ADAMTS2: variants seen among roughly 807,000 people sequenced by gnomAD.
The protein encoded by ADAMTS2 is ADAM metallopeptidase with thrombospondin type 1 motif 2.
In ADAMTS2, 50 loss-of-function variants were observed where a neutral mutation model predicts 123.0. The ratio of observed to expected loss-of-function variants is 0.41; its 90% CI spans 0.32 to 0.51. The LOEUF (loss-of-function observed/expected upper bound fraction) is 0.51, where lower values mean the gene tolerates loss of function less well. Ranked by LOEUF, ADAMTS2 falls within the 20% of genes least tolerant of loss-of-function variation. ADAMTS2 has a pLI of 0.35. For synonymous variants in ADAMTS2, 678 were observed against 695.4 expected, an observed-to-expected ratio of 0.98 and a Z score of 0.39; for missense variants, 1,494 against 1,705.2, an observed-to-expected ratio of 0.88 and a Z score of 2.18.
chr5:179,221,943 C>T (rs1486134118), intron 3 of ADAMTS2, among the ~76,000 whole-genome samples: 2 of 152,174 alleles, frequency 1.3e-5, no homozygotes, highest in African/African-American at 2.4e-5. Context: ...CTGTCCTTCA[C>T]GCCTGGCTGT....
chr5:179,133,108 C>T (rs574849254), intron 13 of ADAMTS2, among the ~76,000 whole-genome samples: 63 of 152,096 alleles, frequency 4.1e-4, no homozygotes, highest in Middle Eastern at 3.4e-3. Context: ...ATCAGTTAAA[C>T]GGACCTTGCC....
In ADAMTS2 at chr5:179,128,052, T is replaced by C; in HGVS notation, c.2524A>G (p.Asn842Asp). The change falls in exon 17 of 22, where the codon AAT becomes GAT. Residue 842 changes from asparagine (N) to aspartate (D), a missense_variant. Asn to Asp is a conservative substitution (Grantham distance 23). Transcript: ENST00000251582. This position sits in a 1 kb window ranked among gnomAD's most constrained non-coding sequence, Gnocchi z 4.9. ...YKYMIHEDSL[N>D]VDDNNVLEED... Reference sequence around the variant, plus strand: ...TCCAGGACGTTGTTGTCGTCGACATTCAGTGAGTCCTCATGGATCATGTAT... The same window carrying C: ...TCCAGGACGTTGTTGTCGTCGACATCCAGTGAGTCCTCATGGATCATGTAT... The C allele has an allele frequency of 1.2e-6, 2 of 1,614,044 alleles. No individual in the cohort carries two copies. Among genetic ancestry groups the C allele is most frequent in the Non-Finnish European group, 1.7e-6 (2 of 1,180,034 alleles).
At chr5:179,325,240 G>A (rs1450686331) in intron 2 of ADAMTS2, among the ~76,000 whole-genome samples, 1 of 152,174 alleles carries the variant, frequency 6.6e-6, no homozygotes, top group African/African-American at 2.4e-5. Context: ...ATGGTCAGGA[G>A]GGGCCTTGAA....
chr5:179,325,221 G>A (rs1757281182), intron 2 of ADAMTS2, among the ~76,000 whole-genome samples: 1 of 152,204 alleles, frequency 6.6e-6, no homozygotes, highest in Non-Finnish European at 1.5e-5. Flanking sequence ...GAGCAAGCAG[G>A]AAATGATGAT....
intron 2 of ADAMTS2, among the ~76,000 whole-genome samples, chr5:179,287,814 A>G (rs1734956350): frequency 6.6e-6 from 1 of 152,180 alleles, no homozygotes; most frequent in Non-Finnish European, 1.5e-5. Flanking sequence ...GGCTCCCAGC[A>G]GTGTGGGGAA....
At chr5:179,286,954 G>GTTAATTA (rs1367431991) in intron 2 of ADAMTS2, among the ~76,000 whole-genome samples, 1 of 152,138 alleles carries the variant, frequency 6.6e-6, no homozygotes, top group African/African-American at 2.4e-5. Flanking sequence ...TTCATTTTCA[G>GTTAATTA]TTAATTATCT....
At chr5:179,212,770 C>A (rs1459562626) in intron 3 of ADAMTS2, among the ~76,000 whole-genome samples, 2 of 138,600 alleles carry the variant, frequency 1.4e-5, no homozygotes, top group African/African-American at 2.7e-5. Flanking sequence ...GTGCAGTGGG[C>A]AGGTGTGGGC....
rs1763801733 is a variant in ADAMTS2 at position 179,170,852 on chromosome 5, G to C, written c.975+10220C>G. ...CTGCTCGGGAAGCCAGAGGCTCTGGGCTGGCCGGATGCTTTGGGGGCACAA... is the reference window on the plus strand; with the variant it reads ...CTGCTCGGGAAGCCAGAGGCTCTGGCCTGGCCGGATGCTTTGGGGGCACAA... On this transcript the variant is annotated intron_variant, in intron 5 of 21. Coordinates refer to ENST00000251582, the MANE Select transcript of ADAMTS2 (RefSeq NM_014244.5). The surrounding 1 kb of genome is among the most constrained non-coding windows in gnomAD (Gnocchi z 4.3). Among the ~76,000 whole-genome samples the C allele has an allele frequency of 6.6e-6, 1 of 152,138 alleles. No homozygotes were observed. The highest frequency in any genetic ancestry group is 6.5e-5 in the Admixed American group (1 of 15,278).
chr5:179,271,731 G>A (rs1279525927), intron 3 of ADAMTS2, among the ~76,000 whole-genome samples: 1 of 152,208 alleles, frequency 6.6e-6, no homozygotes, highest in Admixed American at 6.5e-5. Context: ...GAGTACATTG[G>A]GCTTCCTGAT....
At chr5:179,295,566 G>A (rs1229243583) in intron 2 of ADAMTS2, among the ~76,000 whole-genome samples, 2 of 152,146 alleles carry the variant, frequency 1.3e-5, no homozygotes, top group Non-Finnish European at 2.9e-5. Flanking sequence ...CATAGTCCAG[G>A]TGCTGGTCCC....
chr5:179,188,785 A>G lies in ADAMTS2; in HGVS notation c.892-7630T>C, dbSNP rs1764230637. 6.6e-6 allele frequency among the ~76,000 whole-genome samples: 1 copy of G among 152,034 alleles called. No homozygotes were observed. Among genetic ancestry groups the G allele is most frequent in the Non-Finnish European group, 1.5e-5 (1 of 68,028 alleles). On this transcript the variant is annotated intron_variant, in intron 4 of 21. Coordinates refer to ENST00000251582, the MANE Select transcript of ADAMTS2 (RefSeq NM_014244.5). The surrounding 1 kb of genome is among the most constrained non-coding windows in gnomAD (Gnocchi z 5.1). ...CTGCTGATACCTCTGCAGATGCCTC[A>G]GGGTGGGGACGGGGCTCCTCCACTT...
At chr5:179,302,410 G>A (rs544450420) in intron 2 of ADAMTS2, among the ~76,000 whole-genome samples, 10 of 146,292 alleles carry the variant, frequency 6.8e-5, no homozygotes, top group East Asian at 3.9e-4. Context: ...AAAAAAAAGC[G>A]GGGGAGTGAT....
chr5:179,172,006 A>G (rs982287346), intron 5 of ADAMTS2, among the ~76,000 whole-genome samples: 3 of 152,110 alleles, frequency 2.0e-5, no homozygotes, highest in Non-Finnish European at 4.4e-5. Context: ...GCCGGGGGTA[A>G]GCTGGTTCCA....
At chr5:179,325,651 A>C (rs1169009022) in intron 2 of ADAMTS2, among the ~76,000 whole-genome samples, 1 of 152,238 alleles carries the variant, frequency 6.6e-6, no homozygotes, top group Non-Finnish European at 1.5e-5. Context: ...CTCTCCCAGA[A>C]ACCCTCGGGG....
At position 179,181,129 on chromosome 5, in the gene ADAMTS2, G is replaced by A. The variant is rs761998633; in HGVS notation, c.918C>T (p.Ser306=). ...GGACCACGTTGATGTGGGCACCCAAGGACTCGTCATGGTAGATTTCATTGA... is the reference window on the plus strand; with the variant it reads ...GGACCACGTTGATGTGGGCACCCAAAGACTCGTCATGGTAGATTTCATTGA... The part of the protein sequence containing the change: ...NIVNEIYHDE[S]LGAHINVVLV... Residue 306 remains serine, a synonymous_variant, in exon 5 of 22, where the codon TCC becomes TCT. Coordinates refer to ENST00000251582, the MANE Select transcript of ADAMTS2 (RefSeq NM_014244.5). The surrounding 1 kb of genome is among the most constrained non-coding windows in gnomAD (Gnocchi z 4.1). 1 of 1,613,938 alleles carries A rather than the reference G, an allele frequency of 6.2e-7. No individual in the cohort carries two copies. Among genetic ancestry groups the A allele is most frequent in the Non-Finnish European group, 8.5e-7 (1 of 1,179,914 alleles).
chr5:179,245,709 T>C (rs1765771579), intron 3 of ADAMTS2, among the ~76,000 whole-genome samples: 2 of 120,420 alleles, frequency 1.7e-5, no homozygotes, highest in African/African-American at 3.3e-5. Context: ...GAGCTTGCAG[T>C]GAGCCGAGAT....
At chr5:179,144,701 G>C (rs1291092156) in intron 10 of ADAMTS2, among the ~76,000 whole-genome samples, 1 of 152,200 alleles carries the variant, frequency 6.6e-6, no homozygotes, top group Non-Finnish European at 1.5e-5. Flanking sequence ...ACATGCAAAA[G>C]AATGACGTTG....
At position 179,317,799 on chromosome 5, in the gene ADAMTS2, G is replaced by A. The variant is rs1020939701; in HGVS notation, c.534+25968C>T. 6.6e-6 allele frequency among the ~76,000 whole-genome samples: 1 copy of A among 152,182 alleles called. No homozygotes were observed. Among genetic ancestry groups the A allele is most frequent in the Non-Finnish European group, 1.5e-5 (1 of 68,024 alleles). Reference sequence around the variant, plus strand: ...TCCCTGGCCAGACTCATCGCCAGCTGGGGAGAGTGGAGCAGACGTACAGGA... The same window carrying A: ...TCCCTGGCCAGACTCATCGCCAGCTAGGGAGAGTGGAGCAGACGTACAGGA... On this transcript the variant is annotated intron_variant, in intron 2 of 21. Coordinates refer to ENST00000251582, the MANE Select transcript of ADAMTS2 (RefSeq NM_014244.5). The surrounding 1 kb of genome is among the most constrained non-coding windows in gnomAD (Gnocchi z 4.9).
chr5:179,224,590 G>C (rs967711513), intron 3 of ADAMTS2, among the ~76,000 whole-genome samples: 37 of 152,246 alleles, frequency 2.4e-4, no homozygotes, highest in Non-Finnish European at 1.5e-5. Flanking sequence ...GAAAAGCCAT[G>C]TGGGCAGGGG....
Sources: gnomAD v4.1 joint callset for allele counts (sites outside exome capture counted in the v4.1 genomes callset) on GRCh38, gnomAD v4.1.1 for gene constraint, Gnocchi (gnomAD v3.1) non-coding constraint, MANE v1.5 for transcripts, NCBI Gene and HGNC (gene_info 2026-07-23, HGNC 2026-07-21) for gene names.